TSGA13: variants seen among roughly 807,000 people sequenced by gnomAD.
TSGA13 encodes testis specific 13, also known as testis-specific gene 13 protein.
A neutral mutation model predicts 35.1 loss-of-function variants in TSGA13; 37 were observed. The observed-to-expected ratio is 1.05, with a 90% CI of 0.81 to 1.39. The LOEUF (loss-of-function observed/expected upper bound fraction) is 1.39. Ranked by LOEUF, TSGA13 falls within the 40% of genes most tolerant of loss-of-function variation. TSGA13 has a pLI of 0.00. For synonymous variants in TSGA13, 124 were observed against 121.2 expected (o/e 1.02, Z -0.15); for missense variants, 338 against 328.5 (o/e 1.03, Z -0.22).
Position 130,668,866 on chromosome 7 carries a change from G to C in TSGA13, c.*148C>G. 1 of 1,367,678 alleles carries C rather than the reference G, an allele frequency of 7.3e-7. No homozygotes were observed. Among genetic ancestry groups the C allele is most frequent in the Non-Finnish European group, 9.9e-7 (1 of 1,013,642 alleles). 84.7% of individuals were successfully genotyped at this position (1,367,678 alleles called of 1,614,324 possible). On this transcript the variant is annotated 3_prime_UTR_variant, in exon 8 of 8. Coordinates refer to ENST00000356588, the MANE Select transcript of TSGA13 (RefSeq NM_052933.4). Reference sequence around the variant, plus strand: ...AGCCACGCCCCCTTCTCCTCTTGCGGCCCGCCGGAGACTTCGGCTCGACCC... The same window carrying C: ...AGCCACGCCCCCTTCTCCTCTTGCGCCCCGCCGGAGACTTCGGCTCGACCC...
At position 130,669,042 on chromosome 7, in the gene TSGA13, A is replaced by G. The variant is rs1476198983; in HGVS notation, c.800T>C (p.Ile267Thr). Residue 267 changes from isoleucine (I) to threonine (T), a missense_variant, in exon 8 of 8, where the codon ATT (isoleucine) becomes ACT (threonine). Transcript: ENST00000356588. Reference sequence around the variant, plus strand: ...CCCGATGACCGTGGCCTTTTTGATAATCCACTGCGGGGCCCTCCCGTTGCG... The same window carrying G: ...CCCGATGACCGTGGCCTTTTTGATAGTCCACTGCGGGGCCCTCCCGTTGCG... The part of the protein sequence containing the change: ...AFRNGRAPQW[I>T]IKKATVIG 5.0e-6 allele frequency: 8 copies of G among 1,613,932 alleles called. No homozygotes were observed. The South Asian group carries it at 5.5e-5, about 11-fold the overall frequency.
chr7:130,681,113 C>A, intron 3 of TSGA13, 96 bp from the exon 4 acceptor site: 2 of 1,020,074 alleles, frequency 2.0e-6, no homozygotes, highest in South Asian at 1.4e-5. Flanking sequence ...GAGAACTGGT[C>A]TCTAACTTAC....
intron 5 of TSGA13, 102 bp downstream of exon 5, chr7:130,679,053 G>C: frequency 1.0e-6 from 1 of 993,892 alleles, no homozygotes; most frequent in East Asian, 2.4e-5. Context: ...AAATTAAGAG[G>C]TTTTCTGAGT....
At chr7:130,676,501 G>A (rs1030758751) in intron 5 of TSGA13, among the ~76,000 whole-genome samples, 1 of 152,182 alleles carries the variant, frequency 6.6e-6, no homozygotes, top group Admixed American at 6.5e-5. Context: ...GGGCAATCCT[G>A]GCCTGGCATT....
chr7:130,674,169 C>CTTTTTTTTTTTTTTTTT lies in TSGA13; in HGVS notation c.388-1310_388-1294dup, dbSNP rs1162370815. 1.9e-3 allele frequency among the ~76,000 whole-genome samples: 186 copies of CTTTTTTTTTTTTTTTTT among 98,418 alleles called. 2 individuals are homozygous for CTTTTTTTTTTTTTTTTT. Among genetic ancestry groups the CTTTTTTTTTTTTTTTTT allele is most frequent in the Non-Finnish European group, 2.3e-3 (116 of 50,962 alleles). 64.6% of individuals were successfully genotyped at this position (98,418 alleles called of 152,430 possible). A position where few individuals can be genotyped will look rare whatever the true frequency, so the allele number is the denominator to read the frequency against. On this transcript the variant is annotated intron_variant, in intron 5 of 7. Coordinates refer to ENST00000356588, the MANE Select transcript of TSGA13 (RefSeq NM_052933.4). ...CTTTTCTTCTTTTTTTTCTTTTTTT[C>CTTTTTTTTTTTTTTTTT]TTTTTTTTTTTTTTTTTTTTGAGAT...
chr7:130,677,726 T>C (rs1293543077), intron 5 of TSGA13, among the ~76,000 whole-genome samples: 1 of 151,998 alleles, frequency 6.6e-6, no homozygotes, highest in African/African-American at 2.4e-5. Flanking sequence ...CGCCTGGCCC[T>C]GCCATTTACT....
Position 130,684,298 on chromosome 7 carries a change from G to T in TSGA13, c.24-626C>A, listed in dbSNP as rs376973046. Among the ~76,000 whole-genome samples, 447 of 152,298 alleles carry T rather than the reference G, an allele frequency of 2.9e-3. 7 individuals carry two copies. Among genetic ancestry groups the T allele is most frequent in the African/African-American group, 0.01 (423 of 41,560 alleles). ...GGCAAATATTTCTGTACTCTACTCTGTTACCCTCACCCTAATACCAATTCT... is the reference window on the plus strand; with the variant it reads ...GGCAAATATTTCTGTACTCTACTCTTTTACCCTCACCCTAATACCAATTCT... On this transcript the variant is annotated intron_variant, in intron 2 of 7. Coordinates refer to ENST00000356588, the MANE Select transcript of TSGA13 (RefSeq NM_052933.4).
chr7:130,681,877 C>T (rs1036138902), intron 3 of TSGA13, among the ~76,000 whole-genome samples: 6 of 151,764 alleles, frequency 4.0e-5, no homozygotes, highest in South Asian at 2.1e-4. Flanking sequence ...AGTCAGAAAT[C>T]GGAAAAAAAG....
In TSGA13 at chr7:130,683,695, G is replaced by A. The variant is rs148559966; in HGVS notation, c.24-23C>T. The A allele has an allele frequency of 4.5e-4, 722 of 1,610,908 alleles. 2 individuals carry two copies. In the East Asian group the frequency reaches 6.3e-3, roughly 14 times the overall value. On this transcript the variant is annotated intron_variant, in intron 2 of 7. Transcript: ENST00000356588. ...AACCTGAAAAAGAGGCAGAACATCC[G>A]GTTGCACTTTCTGGCTCAGAGGCCT...
At chr7:130,674,428 C>T (rs1180637994) in intron 5 of TSGA13, among the ~76,000 whole-genome samples, 1 of 152,136 alleles carries the variant, frequency 6.6e-6, no homozygotes, top group Admixed American at 6.5e-5. Context: ...GCCTTGGCCT[C>T]CCAAAGCTCT....
intron 1 of TSGA13, among the ~76,000 whole-genome samples, chr7:130,685,739 G>A (rs1796643930): frequency 6.6e-6 from 1 of 152,154 alleles, no homozygotes; most frequent in African/African-American, 2.4e-5. Flanking sequence ...TGTCAACAAA[G>A]CCATGCTCAT....
At chr7:130,676,844 G>A (rs1192233532) in intron 5 of TSGA13, among the ~76,000 whole-genome samples, 1 of 150,860 alleles carries the variant, frequency 6.6e-6, no homozygotes, top group Non-Finnish European at 1.5e-5. Flanking sequence ...ATTTGTTCTT[G>A]TTAGATTAGA....
chr7:130,675,425 C>T (rs1796390548), intron 5 of TSGA13, among the ~76,000 whole-genome samples: 1 of 151,872 alleles, frequency 6.6e-6, no homozygotes, highest in Non-Finnish European at 1.5e-5. Flanking sequence ...ACTCTGTTGC[C>T]TGGGCTGGAC....
chr7:130,686,714 A>G (rs1010641546), upstream of TSGA13: 1 of 151,244 alleles, frequency 6.6e-6, no homozygotes, highest in Non-Finnish European at 1.5e-5. Context: ...ACACACACAC[A>G]CACACACACA....
intron 5 of TSGA13, 94 bp downstream of exon 5, chr7:130,679,061 A>T: frequency 9.7e-7 from 1 of 1,034,532 alleles, no homozygotes; most frequent in Non-Finnish European, 1.5e-6. Flanking sequence ...AGGTTTTCTG[A>T]GTACTATTCT....
intron 5 of TSGA13, among the ~76,000 whole-genome samples, chr7:130,674,900 T>C (rs1796374033): frequency 6.6e-6 from 1 of 152,214 alleles, no homozygotes; most frequent in African/African-American, 2.4e-5. Context: ...AAACTGCACT[T>C]ACTTTTGTGT....
Position 130,668,706 on chromosome 7 carries a change from G to T in TSGA13, c.*308C>A. The T allele has an allele frequency of 2.0e-6, 3 of 1,514,124 alleles. No homozygotes were observed. Among genetic ancestry groups the T allele is most frequent in the South Asian group, 1.3e-5 (1 of 79,662 alleles). The allele number at this position is 1,514,124 out of a possible 1,614,324, so 93.8% of individuals were successfully genotyped here. ...CCCAGCGCCCAGACCCACCGCAACC[G>T]TCCCAGGCGCCGCAGCCGGCGAGCG... On this transcript the variant is annotated 3_prime_UTR_variant, in exon 8 of 8. Coordinates refer to ENST00000356588, the MANE Select transcript of TSGA13 (RefSeq NM_052933.4).
chr7:130,669,206 T>C, intron 7 of TSGA13, 23 bp from the exon 8 acceptor site: 1 of 1,613,966 alleles, frequency 6.2e-7, no homozygotes, highest in Middle Eastern at 1.7e-4. Context: ...ACAGGCACCC[T>C]GGTGAATGTG....
intron 3 of TSGA13, among the ~76,000 whole-genome samples, chr7:130,681,423 G>A (rs532070554): frequency 2.6e-5 from 4 of 152,268 alleles, no homozygotes; most frequent in Admixed American, 6.5e-5. Flanking sequence ...AAATCTTTAA[G>A]GAGAAAAGCA....
Sources: gnomAD v4.1 joint callset for allele counts (sites outside exome capture counted in the v4.1 genomes callset) on GRCh38, gnomAD v4.1.1 for gene constraint, MANE v1.5 for transcripts, NCBI Gene and HGNC (gene_info 2026-07-23, HGNC 2026-07-21) for gene names.